IFT81: variants seen among roughly 807,000 people sequenced by gnomAD.
IFT81 encodes intraflagellar transport protein 81 homolog.
IFT81 carries 72 observed loss-of-function variants against 102.6 expected under a neutral mutation model. The observed-to-expected ratio is 0.70, with a 90% CI of 0.58 to 0.85. The LOEUF is 0.85. IFT81 is among the 40% of genes least tolerant of loss of function. IFT81 has a pLI of 0.00. For synonymous variants in IFT81, 237 were observed against 242.7 expected, an observed-to-expected ratio of 0.98 and a Z score of 0.22; for missense variants, 723 against 787.3, an observed-to-expected ratio of 0.92 and a Z score of 0.98.
At position 110,218,217 on chromosome 12, in the gene IFT81, A is replaced by G. The variant is rs201241877; in HGVS notation, c.2022A>G (p.Leu674=). 45 of 1,533,552 alleles carry G rather than the reference A, an allele frequency of 2.9e-5. 1 individual carries two copies. In the South Asian group the frequency reaches 3.1e-4, roughly 11 times the overall value. The allele number at this position is 1,533,552 out of a possible 1,614,324, so 95.0% of individuals were successfully genotyped here. The change falls in exon 19 of 19, where the codon CTA becomes CTG. Residue 674 remains leucine (L), a synonymous_variant. Coordinates refer to ENST00000242591, the MANE Select transcript of IFT81 (RefSeq NM_014055.4). ...TTCAGGAGGGTGGGGAGGACCGGCT[A>G]ATACTGTGAATTCTTGTGTCATCGT... ...QVIQEGGEDR[L]IL is the part of the protein sequence containing the mutation.
At position 110,162,914 on chromosome 12, in the gene IFT81, A is replaced by G. The variant is rs772260975; in HGVS notation, c.1042-5A>G. On this transcript the variant is annotated splice_polypyrimidine_tract_variant and splice_region_variant and intron_variant, in intron 10 of 18. Transcript: ENST00000242591. ...ATTATACCTTCATATTTAATGCTCA[A>G]TCAGGCATCTATCATTTCCCGTAAA... is the stretch of plus-strand genomic sequence containing the variant. The G allele has an allele frequency of 6.2e-6, 10 of 1,605,930 alleles. No individual in the cohort carries two copies. The highest frequency in any genetic ancestry group is 1.7e-4 in the Middle Eastern group (1 of 6,054).
At chr12:110,144,863 CTTTTTTT>C (rs34675452) in intron 9 of IFT81, among the ~76,000 whole-genome samples, 7 of 93,074 alleles carry the variant, frequency 7.5e-5, no homozygotes, top group African/African-American at 9.7e-5. Flanking sequence ...GGTGCAGTGC[CTTTTTTT>C]TTTTTTTTTT....
intron 18 of IFT81, among the ~76,000 whole-genome samples, chr12:110,210,468 C>T (rs1405808422): frequency 1.3e-5 from 2 of 152,170 alleles, no homozygotes; most frequent in South Asian, 2.1e-4. Flanking sequence ...GGCAAAGTGA[C>T]CCATACCTAT....
intron 10 of IFT81, among the ~76,000 whole-genome samples, chr12:110,160,230 C>A (rs73205077): frequency 1.3e-5 from 2 of 152,286 alleles, no homozygotes; most frequent in African/African-American, 2.4e-5. Flanking sequence ...CACACAGTTA[C>A]AAGGCAAAGT....
chr12:110,134,395 A>C (rs565808387), intron 5 of IFT81, among the ~76,000 whole-genome samples: 9 of 152,098 alleles, frequency 5.9e-5, no homozygotes, highest in Non-Finnish European at 1.2e-4. Flanking sequence ...GTTTGTTTTT[A>C]TAACAAAATA....
intron 18 of IFT81, among the ~76,000 whole-genome samples, chr12:110,215,738 G>C (rs894847107): frequency 3.3e-5 from 5 of 151,278 alleles, no homozygotes; most frequent in African/African-American, 1.2e-4. Context: ...CTGACTTTGT[G>C]TCTACTCTTG....
chr12:110,160,628 A>C (rs558286334), intron 10 of IFT81, among the ~76,000 whole-genome samples: 1 of 152,312 alleles, frequency 6.6e-6, no homozygotes, highest in East Asian at 1.9e-4. Context: ...ATACCCTCAC[A>C]GACACACCCA....
intron 11 of IFT81, 87 bp downstream of exon 11, chr12:110,163,152 T>G: frequency 2.1e-6 from 2 of 968,644 alleles, no homozygotes; most frequent in Non-Finnish European, 3.0e-6. Context: ...AGTGTGAATG[T>G]TAATATTGGG....
chr12:110,141,018 C>G lies in IFT81; in HGVS notation c.782-2364C>G, dbSNP rs144176864. On this transcript the variant is annotated intron_variant, in intron 8 of 18. Transcript: ENST00000242591. ...CTGGGATTACAGGCATGAGCCACCA[C>G]GCCTGGCCTATTTTTTATTTTCTGA... is the stretch of plus-strand genomic sequence containing the variant. Among the ~76,000 whole-genome samples, 1,390 of 148,894 alleles carry G rather than the reference C, an allele frequency of 9.3e-3. 19 individuals carry two copies. Among genetic ancestry groups the G allele is most frequent in the African/African-American group, 0.032 (1,289 of 40,296 alleles).
rs555364692 is a variant in IFT81 at position 110,178,690 on chromosome 12, A to T, written c.1189-1732A>T. Among the ~76,000 whole-genome samples the T allele has an allele frequency of 2.1e-3, 274 of 133,444 alleles. 1 individual carries two copies. The highest frequency in any genetic ancestry group is 7.4e-3 in the African/African-American group (265 of 35,634). The allele number at this position is 133,444 out of a possible 152,430, so 87.5% of individuals were successfully genotyped here. A position where few individuals can be genotyped will look rare whatever the true frequency, so the allele number is the denominator to read the frequency against. Reference sequence around the variant, plus strand: ...GAGTGCAGTGGCGTGATCTCGGCTCACTGCAACCTCCGCCTCCCGGGTTCA... The same window carrying T: ...GAGTGCAGTGGCGTGATCTCGGCTCTCTGCAACCTCCGCCTCCCGGGTTCA... On this transcript the variant is annotated intron_variant, in intron 11 of 18. Transcript: ENST00000242591.
At chr12:110,194,234 C>T (rs1236691276) in intron 14 of IFT81, among the ~76,000 whole-genome samples, 2 of 152,112 alleles carry the variant, frequency 1.3e-5, no homozygotes, top group Admixed American at 1.3e-4. Context: ...TGGGCAGGGA[C>T]AGAGATCCAA....
chr12:110,174,839 C>A (rs1172142293), intron 11 of IFT81, among the ~76,000 whole-genome samples: 1 of 152,078 alleles, frequency 6.6e-6, no homozygotes, highest in African/African-American at 2.4e-5. Context: ...ACAGGGGAGC[C>A]GAGTCTTTAA....
intron 12 of IFT81, among the ~76,000 whole-genome samples, chr12:110,187,840 A>G (rs1897605226): frequency 6.6e-6 from 1 of 151,986 alleles, no homozygotes; most frequent in Non-Finnish European, 1.5e-5. Context: ...TGTGGTAGAG[A>G]CTTTAGGAAG....
chr12:110,135,334 C>T lies in IFT81; in HGVS notation c.593C>T (p.Thr198Ile), dbSNP rs147215362. ...RVEHLKKRVE[T>I]AQNHQWMLKI... is the part of the protein sequence containing the mutation. ...CTTATTCCCTTACTGTAGGTTGAGA[C>T]AGCTCAGAATCATCAATGGATGCTT... is the stretch of plus-strand genomic sequence containing the variant. The change falls in exon 7 of 19, where the codon ACA becomes ATA. Residue 198 changes from threonine to isoleucine, a missense_variant. Coordinates refer to ENST00000242591, the MANE Select transcript of IFT81 (RefSeq NM_014055.4). 12 of 1,605,506 alleles carry T rather than the reference C, an allele frequency of 7.5e-6. No individual in the cohort carries two copies. In the African/African-American group the frequency reaches 1.2e-4, roughly 16 times the overall value.
chr12:110,135,896 T>C (rs1375795643), intron 7 of IFT81, among the ~76,000 whole-genome samples: 2 of 152,060 alleles, frequency 1.3e-5, no homozygotes, highest in African/African-American at 4.8e-5. Context: ...GATAAATATT[T>C]TGTGGCAACA....
rs1201436797 is a variant in IFT81, at chr12:110,203,844, A to C, written c.1558-20A>C. ...ACCTTTGTTTTTCACTTATTCAATC[A>C]TTTTCCCTTTTTATACTAGGAACTG... On this transcript the variant is annotated intron_variant, in intron 14 of 18. Coordinates refer to ENST00000242591, the MANE Select transcript of IFT81 (RefSeq NM_014055.4). The C allele has an allele frequency of 6.5e-7, 1 of 1,544,528 alleles. No homozygotes were observed. Among genetic ancestry groups the C allele is most frequent in the Non-Finnish European group, 9.0e-7 (1 of 1,117,036 alleles).
At chr12:110,159,649 C>T (rs1056903859) in intron 10 of IFT81, among the ~76,000 whole-genome samples, 1 of 152,190 alleles carries the variant, frequency 6.6e-6, no homozygotes, top group Non-Finnish European at 1.5e-5. Flanking sequence ...CTAGAAGTCA[C>T]TTCAGTAAGA....
chr12:110,197,567 T>C (rs578213755), intron 14 of IFT81, among the ~76,000 whole-genome samples: 112 of 145,506 alleles, frequency 7.7e-4, no homozygotes, highest in African/African-American at 2.7e-3. Flanking sequence ...TATATATATA[T>C]ATATATATAT....
At chr12:110,171,650 C>G (rs1431921354) in intron 11 of IFT81, among the ~76,000 whole-genome samples, 1 of 152,140 alleles carries the variant, frequency 6.6e-6, no homozygotes, top group Non-Finnish European at 1.5e-5. Flanking sequence ...AGTTATGATG[C>G]GTGATTTTAA....
Sources: allele counts gnomAD v4.1 joint callset (sites outside exome capture counted in the v4.1 genomes callset), GRCh38; gene constraint gnomAD v4.1.1; transcripts MANE v1.5; gene names NCBI Gene and HGNC (gene_info 2026-07-23, HGNC 2026-07-21).